The following DNM3 variants were observed in gnomAD, a reference collection of about 807,000 sequenced individuals.
The protein encoded by DNM3 is dynamin-3.
DNM3 carries 47 observed loss-of-function variants against 101.6 expected under a neutral mutation model. That is an observed-to-expected ratio of 0.46 (90% CI 0.37 to 0.59). DNM3 has a LOEUF of 0.59. DNM3 is among the 20% of genes least tolerant of loss of function. DNM3 has a pLI of 0.00. For missense variants in DNM3, 849 were observed against 1,085.7 expected (o/e 0.78, Z 3.06); for synonymous variants, 385 against 387.9 (o/e 0.99, Z 0.09).
At chr1:172,256,352 A>G (rs531154561) in intron 15 of DNM3, among the ~76,000 whole-genome samples, 1 of 152,106 alleles carries the variant, frequency 6.6e-6, no homozygotes, top group African/African-American at 2.4e-5. Context: ...TTTGGTAAGT[A>G]GGCTTTTAAC....
intron 2 of DNM3, among the ~76,000 whole-genome samples, chr1:171,985,451 C>T (rs961590300): frequency 5.3e-5 from 8 of 152,124 alleles, no homozygotes; most frequent in African/African-American, 1.7e-4. Context: ...AAAGACAGTG[C>T]CTATGAGGGT....
intron 14 of DNM3, among the ~76,000 whole-genome samples, chr1:172,209,449 A>G (rs2060436854): frequency 6.6e-6 from 1 of 152,002 alleles, no homozygotes; most frequent in African/African-American, 2.4e-5. Flanking sequence ...CTTTACTTAT[A>G]CTAGATATGA....
intron 17 of DNM3, among the ~76,000 whole-genome samples, chr1:172,365,043 A>C (rs2067935762): frequency 6.6e-6 from 1 of 151,936 alleles, no homozygotes. Flanking sequence ...CACAAGAATG[A>C]ACTAATACAC....
chr1:171,992,631 C>A (rs1421196084), intron 4 of DNM3, among the ~76,000 whole-genome samples: 2 of 152,078 alleles, frequency 1.3e-5, no homozygotes, highest in African/African-American at 4.8e-5. Flanking sequence ...TGCTGCTCCA[C>A]CATTTACAGA....
At position 172,081,785 on chromosome 1, in the gene DNM3, G is replaced by A. The variant is rs200117987; in HGVS notation, c.1423-47G>A. On this transcript the variant is annotated intron_variant, in intron 11 of 20. Transcript: ENST00000627582. ...GGCAATTACTGAATTTAATGTTTGA[G>A]AATTTTTAGATGGGTTTTCACTGAA... is the stretch of plus-strand genomic sequence containing the variant. 365 of 1,507,962 alleles carry A rather than the reference G, an allele frequency of 2.4e-4. No homozygotes were observed. In the African/African-American group the frequency reaches 4.3e-3, roughly 18 times the overall value. 93.4% of individuals were successfully genotyped at this position (1,507,962 alleles called of 1,614,324 possible).
intron 2 of DNM3, among the ~76,000 whole-genome samples, chr1:171,923,532 T>C (rs1310997705): frequency 6.6e-6 from 1 of 152,138 alleles, no homozygotes; most frequent in Non-Finnish European, 1.5e-5. Flanking sequence ...ATCTACTTTT[T>C]TCTTTCATTT....
intron 13 of DNM3, among the ~76,000 whole-genome samples, chr1:172,094,763 G>A (rs931033379): frequency 6.6e-6 from 1 of 152,190 alleles, no homozygotes; most frequent in Non-Finnish European, 1.5e-5. Context: ...TTTATAAAAT[G>A]AGAACAACAA....
intron 14 of DNM3, among the ~76,000 whole-genome samples, chr1:172,252,290 C>CT (rs1279066678): frequency 6.6e-6 from 1 of 152,056 alleles, no homozygotes; most frequent in African/African-American, 2.4e-5. Flanking sequence ...CTCTGCCCAA[C>CT]TTTTTTCTGA....
intron 14 of DNM3, among the ~76,000 whole-genome samples, chr1:172,239,323 G>A (rs570102635): frequency 6.6e-6 from 1 of 152,234 alleles, no homozygotes; most frequent in South Asian, 2.1e-4. Flanking sequence ...ATTGAAGAGA[G>A]AACACCATAC....
intron 14 of DNM3, among the ~76,000 whole-genome samples, chr1:172,251,641 C>T (rs977182640): frequency 1.3e-5 from 2 of 151,936 alleles, no homozygotes; most frequent in African/African-American, 2.4e-5. Context: ...TTGGTCTTCA[C>T]GATATGCTAA....
chr1:172,062,059 T>C (rs1040544208), intron 10 of DNM3, among the ~76,000 whole-genome samples: 1 of 152,180 alleles, frequency 6.6e-6, no homozygotes. Flanking sequence ...TTGGTTTTAA[T>C]GGGATAGAAT....
chr1:172,378,748 C>T (rs2068740491), intron 17 of DNM3, among the ~76,000 whole-genome samples: 1 of 152,000 alleles, frequency 6.6e-6, no homozygotes, highest in Non-Finnish European at 1.5e-5. Context: ...GTTAGGTACA[C>T]TGTTTATTTG....
intron 1 of DNM3, among the ~76,000 whole-genome samples, chr1:171,874,861 A>T (rs6663127): frequency 1.3e-5 from 2 of 151,094 alleles, no homozygotes; most frequent in African/African-American, 4.9e-5. Flanking sequence ...GGCTATTGTC[A>T]TCTTTATGTT....
intron 15 of DNM3, among the ~76,000 whole-genome samples, chr1:172,291,001 A>G (rs2063892071): frequency 6.6e-6 from 1 of 152,172 alleles, no homozygotes; most frequent in African/African-American, 2.4e-5. Flanking sequence ...AACAAATGCT[A>G]CAGTAAAGCC....
chr1:172,389,649 A>G (rs2069408892), intron 20 of DNM3, among the ~76,000 whole-genome samples: 1 of 152,332 alleles, frequency 6.6e-6, no homozygotes, highest in South Asian at 2.1e-4. Flanking sequence ...CCATATATAA[A>G]GTTAATTTTT....
chr1:172,323,065 T>C (rs6694387), intron 16 of DNM3, among the ~76,000 whole-genome samples: 97,684 of 152,034 alleles, frequency 0.64, 33,662 homozygotes, highest in African/African-American at 0.91. Context: ...GGGCAACTGT[T>C]CTAAGTTTCT....
At chr1:172,187,691 T>G (rs1033751080) in intron 14 of DNM3, among the ~76,000 whole-genome samples, 25 of 152,220 alleles carry the variant, frequency 1.6e-4, no homozygotes, top group African/African-American at 6.0e-4. Context: ...CCTCCTCATT[T>G]TAAGGTTCTT....
At chr1:172,291,298 T>C (rs528444201) in intron 15 of DNM3, among the ~76,000 whole-genome samples, 103 of 152,254 alleles carry the variant, frequency 6.8e-4, no homozygotes, top group African/African-American at 2.3e-3. Flanking sequence ...GCACGCCTGT[T>C]TTCAGATGGC....
intron 10 of DNM3, among the ~76,000 whole-genome samples, chr1:172,049,588 A>G (rs1160018599): frequency 6.6e-6 from 1 of 152,182 alleles, no homozygotes; most frequent in Non-Finnish European, 1.5e-5. Flanking sequence ...TGAAAAGAAT[A>G]TCTTGTATTG....
Sources: allele counts gnomAD v4.1 joint callset (sites outside exome capture counted in the v4.1 genomes callset), GRCh38; gene constraint gnomAD v4.1.1; transcripts MANE v1.5; gene names NCBI Gene and HGNC (gene_info 2026-07-23, HGNC 2026-07-21).